The following CSGALNACT1 variants were observed in gnomAD, a reference collection of about 807,000 sequenced individuals.
The protein encoded by CSGALNACT1 is beta4GalNAcT-1.
A neutral mutation model predicts 51.0 loss-of-function variants in CSGALNACT1; 52 were observed. The ratio of observed to expected loss-of-function variants is 1.02; its 90% CI spans 0.82 to 1.29. The LOEUF (loss-of-function observed/expected upper bound fraction) is 1.29. CSGALNACT1 is among the 50% of genes most tolerant of loss of function. The pLI, the probability that CSGALNACT1 is intolerant of heterozygous loss-of-function variation, is 0.00. For missense variants in CSGALNACT1, 935 were observed against 679.2 expected, an observed-to-expected ratio of 1.38 and a Z score of -4.19; for synonymous variants, 341 against 254.4, an observed-to-expected ratio of 1.34 and a Z score of -3.24.
At chr8:19,674,620 A>G (rs1315312994) in intron 1 of CSGALNACT1, among the ~76,000 whole-genome samples, 1 of 152,170 alleles carries the variant, frequency 6.6e-6, no homozygotes, top group Non-Finnish European at 1.5e-5. Context: ...CTTTATCCGC[A>G]GTGATAGGTA....
chr8:19,503,989 G>C (rs1272050838), intron 4 of CSGALNACT1, among the ~76,000 whole-genome samples: 2 of 152,228 alleles, frequency 1.3e-5, no homozygotes, highest in Non-Finnish European at 2.9e-5. Flanking sequence ...AAGAGAGTCA[G>C]TTTTGCCTGT....
At chr8:19,463,991 C>T (rs987345539) in intron 4 of CSGALNACT1, among the ~76,000 whole-genome samples, 1 of 152,210 alleles carries the variant, frequency 6.6e-6, no homozygotes, top group Non-Finnish European at 1.5e-5. Flanking sequence ...AGGACCTTGA[C>T]AAGGGATAAG....
intron 1 of CSGALNACT1, among the ~76,000 whole-genome samples, chr8:19,633,847 G>A (rs1379996415): frequency 1.3e-5 from 2 of 152,178 alleles, no homozygotes. Context: ...CCTTCTTTCT[G>A]GACAACTGGT....
intron 1 of CSGALNACT1, among the ~76,000 whole-genome samples, chr8:19,635,226 G>C (rs547774702): frequency 6.6e-6 from 1 of 152,206 alleles, no homozygotes; most frequent in East Asian, 1.9e-4. Context: ...GCCCACACTG[G>C]TGGAAAAGCC....
At chr8:19,604,048 T>C (rs1198365739), upstream of CSGALNACT1, among the ~76,000 whole-genome samples, 1 of 152,200 alleles carries the variant, frequency 6.6e-6, no homozygotes, top group Non-Finnish European at 1.5e-5. Context: ...CCAGTGAAGG[T>C]ACTTATTAAA....
At chr8:19,470,665 T>C (rs936648252) in intron 4 of CSGALNACT1, among the ~76,000 whole-genome samples, 1 of 152,040 alleles carries the variant, frequency 6.6e-6, no homozygotes, top group South Asian at 2.1e-4. Flanking sequence ...TCGGCAATCA[T>C]CTCATTGCCT....
In CSGALNACT1 at chr8:19,599,110, T is replaced by C. The variant is rs116918334; in HGVS notation, c.-416+2661A>G. ...GCCAGAGGTGGGAGACAGGAACAGG[T>C]GGAGACAAAAGCACAGGTCGGGGAG... is the stretch of plus-strand genomic sequence containing the variant. On this transcript the variant is annotated intron_variant, in intron 2 of 9. Transcript: ENST00000454498. 1.9e-3 allele frequency among the ~76,000 whole-genome samples: 282 copies of C among 149,408 alleles called. 7 individuals are homozygous for C. The East Asian group carries it at 0.053, about 28-fold the overall frequency.
At chr8:19,497,075 C>A (rs2075618890) in intron 4 of CSGALNACT1, among the ~76,000 whole-genome samples, 2 of 152,110 alleles carry the variant, frequency 1.3e-5, no homozygotes, top group Non-Finnish European at 2.9e-5. Flanking sequence ...AAACTAAGTG[C>A]AGCTGAGGAA....
rs754404469 is a variant in CSGALNACT1, at chr8:19,439,961, A to G, written c.852-30T>C. 2.6e-6 allele frequency: 4 copies of G among 1,558,110 alleles called. No individual in the cohort carries two copies. The East Asian group carries it at 9.0e-5, about 35-fold the overall frequency. ...AAAACAAAACACATGCATGTCTGGC[A>G]CCTGTTTTCACACTGACAGGCACAG... On this transcript the variant is annotated intron_variant, in intron 5 of 9. Coordinates refer to ENST00000454498, the Ensembl canonical transcript of CSGALNACT1.
At chr8:19,473,128 A>G (rs547354275) in intron 4 of CSGALNACT1, among the ~76,000 whole-genome samples, 2 of 152,320 alleles carry the variant, frequency 1.3e-5, no homozygotes, top group African/African-American at 4.8e-5. Flanking sequence ...TAGTTTTTTC[A>G]AGTCGCCACT....
At chr8:19,617,339 G>A (rs984706818) in intron 1 of CSGALNACT1, among the ~76,000 whole-genome samples, 7 of 152,138 alleles carry the variant, frequency 4.6e-5, no homozygotes, top group Admixed American at 6.5e-5. Context: ...GGATGAGTAC[G>A]AGTCTGTGGC....
At chr8:19,705,066 G>A (rs1178528143) in intron 1 of CSGALNACT1, among the ~76,000 whole-genome samples, 1 of 152,168 alleles carries the variant, frequency 6.6e-6, no homozygotes, top group Non-Finnish European at 1.5e-5. Flanking sequence ...TGCTAAGAGG[G>A]TAGATCTTAA....
At chr8:19,515,943 G>A (rs1454505763) in intron 3 of CSGALNACT1, among the ~76,000 whole-genome samples, 2 of 152,134 alleles carry the variant, frequency 1.3e-5, no homozygotes, top group African/African-American at 4.8e-5. Flanking sequence ...CAAGCCAGGT[G>A]TACAGAATAA....
chr8:19,467,729 A>T (rs2067050095), intron 4 of CSGALNACT1, among the ~76,000 whole-genome samples: 1 of 152,134 alleles, frequency 6.6e-6, no homozygotes, highest in South Asian at 2.1e-4. Flanking sequence ...TCATGCCTGC[A>T]ATCCCAGAAT....
chr8:19,407,905 TTGTG>T (rs60746708), intron 9 of CSGALNACT1, among the ~76,000 whole-genome samples: 5,360 of 112,898 alleles, frequency 0.047, 394 homozygotes, highest in Non-Finnish European at 0.06. Context: ...TGTATATGAA[TTGTG>T]TGTGTGTGTG....
At chr8:19,559,594 T>C (rs2040242714) in intron 3 of CSGALNACT1, among the ~76,000 whole-genome samples, 1 of 152,138 alleles carries the variant, frequency 6.6e-6, no homozygotes, top group Admixed American at 6.5e-5. Flanking sequence ...GTTAGAATAG[T>C]AGAGTTCAGC....
intron 1 of CSGALNACT1, among the ~76,000 whole-genome samples, chr8:19,644,684 T>C (rs1249276075): frequency 8.6e-6 from 1 of 115,998 alleles, no homozygotes; most frequent in Admixed American, 1.3e-4. Context: ...CACTCCAGCC[T>C]GGGTAACAGA....
intron 4 of CSGALNACT1, among the ~76,000 whole-genome samples, chr8:19,465,887 T>C (rs2066555506): frequency 6.6e-6 from 1 of 152,294 alleles, no homozygotes; most frequent in Non-Finnish European, 1.5e-5. Context: ...GAGTCACTTT[T>C]CATATGCAGA....
chr8:19,589,189 C>T (rs2047284843), intron 3 of CSGALNACT1, among the ~76,000 whole-genome samples: 2 of 152,236 alleles, frequency 1.3e-5, no homozygotes, highest in South Asian at 2.1e-4. Flanking sequence ...AAGCAGTGGG[C>T]GTTTCTTTGA....
Sources: allele counts gnomAD v4.1 joint callset (sites outside exome capture counted in the v4.1 genomes callset), GRCh38; gene constraint gnomAD v4.1.1; transcripts MANE v1.5; gene names NCBI Gene and HGNC (gene_info 2026-07-23, HGNC 2026-07-21).